DYNC2H1: variants seen among roughly 807,000 people sequenced by gnomAD.
The protein encoded by DYNC2H1 is cytoplasmic dynein 2 heavy chain 1.
DYNC2H1 carries 410 observed loss-of-function variants against 570.0 expected under a neutral mutation model. That is an observed-to-expected ratio of 0.72 (90% confidence interval 0.66 to 0.78). DYNC2H1 has a LOEUF of 0.78. Among genes scored for constraint, DYNC2H1 ranks in the 30% least tolerant of loss-of-function variants. The probability of loss-of-function intolerance (pLI) is 0.00; values close to 1 mark genes in which losing one functional copy is unlikely to be tolerated. For missense variants in DYNC2H1, 4,865 were observed against 5,046.4 expected (o/e 0.96, Z 1.09); for synonymous variants, 1,688 against 1,677.6 (o/e 1.01, Z -0.15).
rs539483405 is a variant in DYNC2H1, at chr11:103,280,869, T to A, written c.10761+456T>A. The stretch of plus-strand genomic sequence containing the variant: ...ACCTACAGGTTTATGTTAATTTTTT[T>A]ATGTATAATTTGTCTTCCTTGTTTA... On this transcript the variant is annotated intron_variant, in intron 71 of 88. Transcript: ENST00000375735. The surrounding 1 kb of genome is among the most constrained non-coding windows in gnomAD (Gnocchi z 4.7). 2.0e-5 allele frequency among the ~76,000 whole-genome samples: 3 copies of A among 152,242 alleles called. No homozygotes were observed. Among genetic ancestry groups the A allele is most frequent in the Admixed American group, 6.5e-5 (1 of 15,280 alleles).
At chr11:103,307,646 T>C in intron 77 of DYNC2H1, 75 bp from the exon 78 acceptor site, 2 of 678,428 alleles carry the variant, frequency 2.9e-6, no homozygotes, top group Non-Finnish European at 4.8e-6. Flanking sequence ...TAAAAATAGT[T>C]ACTAATAATG....
intron 55 of DYNC2H1, among the ~76,000 whole-genome samples, chr11:103,218,765 C>T (rs1863475919): frequency 6.6e-6 from 1 of 152,120 alleles, no homozygotes; most frequent in African/African-American, 2.4e-5. Context: ...ATTTCTAAGA[C>T]TGTAGCTAAT....
rs1941865572 is a variant in DYNC2H1 at position 103,386,260 on chromosome 11, T to C, written c.12157-13403T>C. The stretch of plus-strand genomic sequence containing the variant: ...GTTATATATGTGTATTAAATGATTA[T>C]GCTTTGTTTGTAGACTTCCTTTTTT... On this transcript the variant is annotated intron_variant, in intron 83 of 88. Transcript: ENST00000375735. 1.3e-5 allele frequency among the ~76,000 whole-genome samples: 2 copies of C among 152,210 alleles called. 1 individual carries two copies. Among genetic ancestry groups the C allele is most frequent in the South Asian group, 4.1e-4 (2 of 4,828 alleles).
At position 103,135,955 on chromosome 11, in the gene DYNC2H1, A is replaced by T; in HGVS notation, c.2574+7A>T. 1.3e-6 allele frequency: 2 copies of T among 1,560,872 alleles called. No homozygotes were observed. The highest frequency in any genetic ancestry group is 1.7e-6 in the Non-Finnish European group (2 of 1,152,404). On this transcript the variant is annotated splice_region_variant and intron_variant, in intron 17 of 88. Transcript: ENST00000375735. ...TGTTTTACACCAACATAAGGTATAG[A>T]ACATGTAATGTTCCATCCTTCCATC...
chr11:103,164,125 C>T (rs1272517247), intron 30 of DYNC2H1, among the ~76,000 whole-genome samples: 1 of 152,142 alleles, frequency 6.6e-6, no homozygotes, highest in Non-Finnish European at 1.5e-5. Context: ...TTTCCTAGTA[C>T]TCTGTCAACT....
At chr11:103,431,273 G>A (rs1409012120) in intron 84 of DYNC2H1, among the ~76,000 whole-genome samples, 2 of 148,872 alleles carry the variant, frequency 1.3e-5, no homozygotes, top group Non-Finnish European at 3.0e-5. Context: ...AAGCCTTAAT[G>A]TCTCCATGAT....
At chr11:103,265,403 T>G (rs1018657643) in intron 70 of DYNC2H1, among the ~76,000 whole-genome samples, 2 of 152,092 alleles carry the variant, frequency 1.3e-5, no homozygotes, top group Non-Finnish European at 2.9e-5. Context: ...AGAAAGATAG[T>G]CTTCAAGCTC....
chr11:103,435,849 A>G (rs1944041168), intron 84 of DYNC2H1, 94 bp from the exon 85 acceptor site: 1 of 1,217,794 alleles, frequency 8.2e-7, no homozygotes, highest in Non-Finnish European at 1.2e-6. Flanking sequence ...TATGTGAATT[A>G]TGCCAAAATT....
intron 52 of DYNC2H1, among the ~76,000 whole-genome samples, chr11:103,207,242 TAA>T (rs71066138): frequency 0.13 from 18,056 of 139,806 alleles, 1,414 homozygotes; most frequent in African/African-American, 0.23. Context: ...TTTTTTTTTT[TAA>T]AAAAAGATGG....
Position 103,456,293 on chromosome 11 carries a change from G to A in DYNC2H1, c.12585G>A (p.Val4195=). The A allele has an allele frequency of 6.2e-7, 1 of 1,609,122 alleles. No homozygotes were observed. The highest frequency in any genetic ancestry group is 8.5e-7 in the Non-Finnish European group (1 of 1,177,290). ...TTTACAGGGCAGTGGGTCGTTCTGTGGATAGCCTTAAATTTGTAGCCTCAT... is the reference window on the plus strand; with the variant it reads ...TTTACAGGGCAGTGGGTCGTTCTGTAGATAGCCTTAAATTTGTAGCCTCAT... ...QETARAVGRS[V]DSLKFVASWK... The change falls in exon 87 of 89, where the codon GTG becomes GTA. Residue 4195 remains valine (V), a synonymous_variant. Coordinates refer to ENST00000375735, the MANE Select transcript of DYNC2H1 (RefSeq NM_001377.3).
At chr11:103,194,279 A>G (rs370571302) in intron 47 of DYNC2H1, among the ~76,000 whole-genome samples, 2 of 134,254 alleles carry the variant, frequency 1.5e-5, no homozygotes, top group African/African-American at 5.7e-5. Context: ...TTTTTATTCC[A>G]TCATATGAAT....
intron 75 of DYNC2H1, among the ~76,000 whole-genome samples, chr11:103,296,473 C>A (rs1866831769): frequency 6.6e-6 from 1 of 152,066 alleles, no homozygotes; most frequent in South Asian, 2.1e-4. Flanking sequence ...GAACAGTTGT[C>A]CCTGTATTTA....
At chr11:103,356,055 T>G (rs1369653518) in intron 82 of DYNC2H1, among the ~76,000 whole-genome samples, 1 of 152,182 alleles carries the variant, frequency 6.6e-6, no homozygotes. Context: ...AGTAGCATAA[T>G]TCATGCTGTT....
chr11:103,316,533 G>C lies in DYNC2H1; in HGVS notation c.11650-12G>C. On this transcript the variant is annotated splice_polypyrimidine_tract_variant and intron_variant, in intron 79 of 88. Transcript: ENST00000375735. Reference sequence around the variant, plus strand: ...GCTTAGTTGTTTACTTAAAAAAATTGTTTTTTGACAGGGTTGGACAAAGTT... The same window carrying C: ...GCTTAGTTGTTTACTTAAAAAAATTCTTTTTTGACAGGGTTGGACAAAGTT... The C allele has an allele frequency of 6.5e-7, 1 of 1,534,060 alleles. No individual in the cohort carries two copies. The highest frequency in any genetic ancestry group is 8.8e-7 in the Non-Finnish European group (1 of 1,140,966).
chr11:103,402,638 GA>G (rs1199657335), intron 84 of DYNC2H1: 1 of 152,056 alleles, frequency 6.6e-6, no homozygotes, highest in African/African-American at 2.4e-5. Context: ...ACATAAGCCT[GA>G]ATAAGGGCTA....
At chr11:103,173,769 A>G (rs765226259) in intron 35 of DYNC2H1, among the ~76,000 whole-genome samples, 2 of 152,116 alleles carry the variant, frequency 1.3e-5, no homozygotes, top group Non-Finnish European at 2.9e-5. Flanking sequence ...AGCAAGATGG[A>G]TTGATTAAAG....
intron 17 of DYNC2H1, 138 bp downstream of exon 17, chr11:103,136,086 A>G: frequency 1.5e-6 from 1 of 667,182 alleles, no homozygotes; most frequent in African/African-American, 1.8e-5. Flanking sequence ...CTGGATTCGT[A>G]GATACTTATA....
intron 20 of DYNC2H1, among the ~76,000 whole-genome samples, chr11:103,150,565 T>A (rs1860486282): frequency 6.6e-6 from 1 of 152,028 alleles, no homozygotes; most frequent in South Asian, 2.1e-4. Context: ...GGAGACTGAG[T>A]TGTCTGGTAG....
chr11:103,433,913 A>T (rs1471027625), intron 84 of DYNC2H1, among the ~76,000 whole-genome samples: 2 of 152,242 alleles, frequency 1.3e-5, no homozygotes, highest in Non-Finnish European at 2.9e-5. Context: ...CTGCAAAGAC[A>T]TTCCTATTCA....
Sources: allele counts gnomAD v4.1 joint callset (sites outside exome capture counted in the v4.1 genomes callset), GRCh38; gene constraint gnomAD v4.1.1; non-coding constraint Gnocchi (gnomAD v3.1); transcripts MANE v1.5; gene names NCBI Gene and HGNC (gene_info 2026-07-23, HGNC 2026-07-21).